Variants in RPS8 observed in about 807,000 individuals in gnomAD.
The protein encoded by RPS8 is small ribosomal subunit protein eS8.
For missense variants in RPS8, 141 were observed against 269.7 expected (o/e 0.52, Z 3.34); for synonymous variants, 100 against 100.7 (o/e 0.99, Z 0.04).
chr1:44,777,085 CTT>C (rs901052192), intron 3 of RPS8: 13 of 257,756 alleles, frequency 5.0e-5, no homozygotes, highest in East Asian at 3.1e-4. Flanking sequence ...GCTCCAATCT[CTT>C]TTTTTGAGAT....
In RPS8 at chr1:44,777,678, T is replaced by C. The variant is rs1449644218; in HGVS notation, c.276T>C (p.Arg92=). The change falls in exon 4 of 6, where the codon CGT becomes CGC. Residue 92 remains arginine (R), a synonymous_variant. Transcript: ENST00000396651. The stretch of plus-strand genomic sequence containing the variant: ...ATGCATCTAATAACGAGCTGGTTCG[T>C]ACCAAGACCCTGGTGAAGAATTGCA... The part of the protein sequence containing the change: ...VYNASNNELV[R]TKTLVKNCIV... 6.2e-7 allele frequency: 1 copy of C among 1,613,958 alleles called. No homozygotes were observed. Among genetic ancestry groups the C allele is most frequent in the East Asian group, 2.2e-5 (1 of 44,892 alleles).
At chr1:44,775,748 C>G (rs1435278354) in intron 1 of RPS8, 148 bp downstream of exon 1, 7 of 1,117,952 alleles carry the variant, frequency 6.3e-6, no homozygotes, top group South Asian at 1.2e-5. Context: ...TTTCGGCCGC[C>G]CAGCCCGTCT....
Position 44,775,611 on chromosome 1 carries a change from C to G in RPS8, c.4+11C>G, listed in dbSNP as rs375707469. Reference sequence around the variant, plus strand: ...AGCGCCGAGCGATGGGTGAGTGTCGCTCTGCATTGAGGCGGGTGAAGGGAG... The same window carrying G: ...AGCGCCGAGCGATGGGTGAGTGTCGGTCTGCATTGAGGCGGGTGAAGGGAG... On this transcript the variant is annotated intron_variant, in intron 1 of 5. Coordinates refer to ENST00000396651, the MANE Select transcript of RPS8 (RefSeq NM_001012.2). 132 of 1,614,150 alleles carry G rather than the reference C, an allele frequency of 8.2e-5. No individual in the cohort carries two copies. In the Middle Eastern group the frequency reaches 1.2e-3, roughly 14 times the overall value.
chr1:44,776,956 A>T, intron 3 of RPS8, 182 bp downstream of exon 3: 1 of 526,628 alleles, frequency 1.9e-6, no homozygotes, highest in Non-Finnish European at 3.3e-6. Context: ...ACTCTCAGTA[A>T]AAAAAAAGAT....
At chr1:44,776,368 C>G (rs574277690) in intron 2 of RPS8, 9 of 692,212 alleles carry the variant, frequency 1.3e-5, no homozygotes, top group African/African-American at 1.2e-4. Context: ...GAGAAGGATA[C>G]TGTGTGGGGA....
intron 2 of RPS8, chr1:44,776,371 T>C: frequency 1.4e-6 from 1 of 697,252 alleles, no homozygotes; most frequent in South Asian, 1.6e-5. Flanking sequence ...AAGGATACTG[T>C]GTGGGGACTT....
chr1:44,776,610 G>A (rs774468443), intron 2 of RPS8, 65 bp from the exon 3 acceptor site: 58 of 1,376,864 alleles, frequency 4.2e-5, no homozygotes, highest in Non-Finnish European at 5.8e-5. Flanking sequence ...CCCGGCCCAG[G>A]TTCCTCTCCC....
In RPS8 at chr1:44,776,047, C is replaced by T; in HGVS notation, c.18C>T (p.Asp6=). The T allele has an allele frequency of 1.2e-6, 2 of 1,612,280 alleles. No homozygotes were observed. The highest frequency in any genetic ancestry group is 4.5e-5 in the East Asian group (2 of 44,598). Residue 6 remains aspartate, a synonymous_variant, in exon 2 of 6, where the codon GAC becomes GAT. Coordinates refer to ENST00000396651, the MANE Select transcript of RPS8 (RefSeq NM_001012.2). MGISR[D]NWHKRRKTGG... ...TTCCACATGCAGGCATCTCTCGGGA[C>T]AACTGGCACAAGCGCCGCAAAACCG... is the stretch of plus-strand genomic sequence containing the variant.
At chr1:44,777,301 C>G in intron 3 of RPS8, 2 of 289,238 alleles carry the variant, frequency 6.9e-6, no homozygotes, top group South Asian at 9.5e-5. Context: ...AAATTCTTGG[C>G]TTTAAGTGAT....
rs528002873 is a variant in RPS8, at chr1:44,776,019, C to T, written c.5-15C>T. 6.2e-6 allele frequency: 10 copies of T among 1,612,246 alleles called. No homozygotes were observed. In the African/African-American group the frequency reaches 1.1e-4, roughly 17 times the overall value. On this transcript the variant is annotated splice_polypyrimidine_tract_variant and intron_variant, in intron 1 of 5. Coordinates refer to ENST00000396651, the MANE Select transcript of RPS8 (RefSeq NM_001012.2). Reference sequence around the variant, plus strand: ...TCACAGTGGCTCAAGCTTCCTTCCCCGCTTCCACATGCAGGCATCTCTCGG... The same window carrying T: ...TCACAGTGGCTCAAGCTTCCTTCCCTGCTTCCACATGCAGGCATCTCTCGG...
intron 1 of RPS8, 24 bp downstream of exon 1, chr1:44,775,624 CG>C: frequency 6.2e-7 from 1 of 1,613,902 alleles, no homozygotes; most frequent in South Asian, 1.1e-5. Flanking sequence ...TGCATTGAGG[CG>C]GGTGAAGGGA....
At position 44,775,906 on chromosome 1, in the gene RPS8, C is replaced by T. The variant is rs745782061; in HGVS notation, c.5-128C>T. 1.3e-4 allele frequency: 114 copies of T among 908,588 alleles called. 1 individual carries two copies. Among genetic ancestry groups the T allele is most frequent in the Non-Finnish European group, 2.0e-4 (105 of 537,266 alleles). 56.3% of individuals were successfully genotyped at this position (908,588 alleles called of 1,614,324 possible). A position where few individuals can be genotyped will look rare whatever the true frequency, so the allele number is the denominator to read the frequency against. ...CGGTAATGCTGCATACTCCCGAGTG[C>T]GCGGTGGGGAAGCCAACCTTGGAGA... On this transcript the variant is annotated intron_variant, in intron 1 of 5. Coordinates refer to ENST00000396651, the MANE Select transcript of RPS8 (RefSeq NM_001012.2).
At chr1:44,777,928 G>T (rs1302910919) in intron 4 of RPS8, 72 bp from the exon 5 acceptor site, 2 of 1,595,998 alleles carry the variant, frequency 1.3e-6, no homozygotes, top group African/African-American at 1.3e-5. Flanking sequence ...GCACTGGGGT[G>T]TGCAGGGTTC....
chr1:44,776,066 A>G lies in RPS8; in HGVS notation c.37A>G (p.Lys13Glu). Residue 13 changes from lysine (K) to glutamate (E), a missense_variant, in exon 2 of 6, where the codon AAA becomes GAA. By Grantham distance (56) the Lys-to-Glu change is moderately conservative. Coordinates refer to ENST00000396651, the MANE Select transcript of RPS8 (RefSeq NM_001012.2). ...ISRDNWHKRR[K>E]TGGKRKPYHK... ...TCGGGACAACTGGCACAAGCGCCGC[A>G]AAACCGGGGGCAAGAGAAAGCCCTA... 6.2e-7 allele frequency: 1 copy of G among 1,611,594 alleles called. No homozygotes were observed. The highest frequency in any genetic ancestry group is 8.5e-7 in the Non-Finnish European group (1 of 1,179,362).
At chr1:44,776,892 C>T (rs1387702839) in intron 3 of RPS8, 118 bp downstream of exon 3, 3 of 655,468 alleles carry the variant, frequency 4.6e-6, no homozygotes, top group African/African-American at 1.9e-5. Flanking sequence ...GAGGCCGAGG[C>T]GGGCGGATCA....
chr1:44,776,186 CG>C, intron 2 of RPS8, 46 bp downstream of exon 2: 1 of 1,356,214 alleles, frequency 7.4e-7, no homozygotes, highest in South Asian at 1.3e-5. Flanking sequence ...CGCCTTCCCC[CG>C]CTCTCCAGCG....
At position 44,775,567 on chromosome 1, in the gene RPS8, G is replaced by A. The variant is rs762470070; in HGVS notation, c.-30G>A. 8 of 1,613,966 alleles carry A rather than the reference G, an allele frequency of 5.0e-6. No homozygotes were observed. The highest frequency in any genetic ancestry group is 3.3e-5 in the South Asian group (3 of 91,088). ...TTTACAAACCGAACCGTGAATCTTTGCGGTTTCTCTTTCCAGCCAGCGCCG... is the reference window on the plus strand; with the variant it reads ...TTTACAAACCGAACCGTGAATCTTTACGGTTTCTCTTTCCAGCCAGCGCCG... On this transcript the variant is annotated 5_prime_UTR_variant, in exon 1 of 6. Transcript: ENST00000396651.
intron 1 of RPS8, 143 bp from the exon 2 acceptor site, chr1:44,775,891 G>C (rs1165549171): frequency 3.5e-6 from 3 of 857,278 alleles, no homozygotes; most frequent in Non-Finnish European, 6.1e-6. Context: ...CGGTAATGCT[G>C]CATACTCCCG....
chr1:44,778,220 C>A, intron 5 of RPS8, 91 bp downstream of exon 5: 2 of 1,481,098 alleles, frequency 1.4e-6, no homozygotes, highest in Non-Finnish European at 1.9e-6. Context: ...TGACTGCCAG[C>A]CATGCAGTCT....
Sources: allele counts gnomAD v4.1 joint callset, GRCh38; gene constraint gnomAD v4.1.1; transcripts MANE v1.5; gene names NCBI Gene and HGNC (gene_info 2026-07-23, HGNC 2026-07-21).